DIP2C: variants seen among roughly 807,000 people sequenced by gnomAD.
DIP2C encodes DIP2 acetate--CoA ligase C (putative).
Under a neutral mutation model 192.4 loss-of-function variants are expected in DIP2C, and 33 were observed. The observed-to-expected ratio is 0.17, with a 90% CI of 0.13 to 0.23. The LOEUF (loss-of-function observed/expected upper bound fraction) is 0.23, where lower values mean the gene tolerates loss of function less well. DIP2C is among the 10% of genes least tolerant of loss of function. The probability of loss-of-function intolerance (pLI) is 1.00; values close to 1 mark genes in which losing one functional copy is unlikely to be tolerated. For synonymous variants in DIP2C, 979 were observed against 864.1 expected (o/e 1.13, Z -2.33); for missense variants, 1,537 against 2,110.1 (o/e 0.73, Z 5.32).
At chr10:607,892 G>A (rs925299687) in intron 1 of DIP2C, among the ~76,000 whole-genome samples, 4 of 151,926 alleles carry the variant, frequency 2.6e-5, no homozygotes, top group Middle Eastern at 3.2e-3. Flanking sequence ...TGTGTCATTC[G>A]CTAAGACGTA....
intron 1 of DIP2C, among the ~76,000 whole-genome samples, chr10:542,028 T>C (rs748638280): frequency 6.6e-6 from 1 of 152,208 alleles, no homozygotes; most frequent in Non-Finnish European, 1.5e-5. Context: ...CCTGCACACT[T>C]GGCTCTTCTA....
intron 1 of DIP2C, among the ~76,000 whole-genome samples, chr10:618,649 C>A (rs1853632508): frequency 6.6e-6 from 1 of 152,208 alleles, no homozygotes; most frequent in African/African-American, 2.4e-5. Context: ...TGCTTTTATG[C>A]AACAAAGTTA....
chr10:435,655 G>A (rs998396076), intron 4 of DIP2C, among the ~76,000 whole-genome samples: 1 of 152,212 alleles, frequency 6.6e-6, no homozygotes, highest in Non-Finnish European at 1.5e-5. Flanking sequence ...TTTAAGAAGA[G>A]CTGCTGAGTT....
chr10:510,393 T>C (rs1845931063), intron 1 of DIP2C, among the ~76,000 whole-genome samples: 1 of 152,212 alleles, frequency 6.6e-6, no homozygotes, highest in African/African-American at 2.4e-5. Context: ...TTTTCTTCTC[T>C]CCTGCACCTA....
intron 10 of DIP2C, among the ~76,000 whole-genome samples, chr10:395,336 GAT>G (rs760951647): frequency 2.2e-4 from 33 of 152,170 alleles, no homozygotes; most frequent in Non-Finnish European, 4.1e-4. Context: ...CAAGGTGACA[GAT>G]ATGTTAATCA....
chr10:569,736 C>T (rs779403424), intron 1 of DIP2C, among the ~76,000 whole-genome samples: 6 of 152,156 alleles, frequency 3.9e-5, no homozygotes, highest in East Asian at 1.9e-4. Context: ...ATGAAATAGA[C>T]GGCTGTGCAG....
At chr10:308,427 G>C (rs1278222350) in intron 32 of DIP2C, among the ~76,000 whole-genome samples, 1 of 150,268 alleles carries the variant, frequency 6.7e-6, no homozygotes, top group East Asian at 1.9e-4. Context: ...TTGAGGGCCA[G>C]GCCACAGACA....
At chr10:389,934 G>C in intron 13 of DIP2C, 57 bp downstream of exon 13, 1 of 1,386,880 alleles carries the variant, frequency 7.2e-7, no homozygotes, top group South Asian at 1.3e-5. Context: ...TGTGGCCTTC[G>C]TGTCAGGTGT....
At chr10:357,762 G>C (rs955450947) in intron 23 of DIP2C, 66 bp downstream of exon 23, 9 of 1,255,110 alleles carry the variant, frequency 7.2e-6, no homozygotes, top group Admixed American at 1.8e-5. Flanking sequence ...GGGGATGGTC[G>C]CAGATGGTCG....
intron 3 of DIP2C, among the ~76,000 whole-genome samples, chr10:463,841 A>G (rs926615798): frequency 1.3e-5 from 2 of 152,144 alleles, no homozygotes; most frequent in Non-Finnish European, 2.9e-5. Flanking sequence ...AGAACACCAC[A>G]CATCTACAAC....
At chr10:567,235 C>T (rs1849514773) in intron 1 of DIP2C, among the ~76,000 whole-genome samples, 1 of 152,076 alleles carries the variant, frequency 6.6e-6, no homozygotes, top group Non-Finnish European at 1.5e-5. Flanking sequence ...GTCGCCCAGA[C>T]CAGAGTGCAG....
chr10:310,546 G>A (rs530710843), intron 31 of DIP2C, among the ~76,000 whole-genome samples: 49 of 152,348 alleles, frequency 3.2e-4, no homozygotes, highest in African/African-American at 1.1e-3. Context: ...CAGGGAGGAA[G>A]AGGTGAGGGG....
chr10:419,345 G>T, intron 5 of DIP2C, 146 bp from the exon 6 acceptor site: 2 of 1,140,284 alleles, frequency 1.8e-6, no homozygotes, highest in Non-Finnish European at 2.5e-6. Flanking sequence ...AGCCGCATCT[G>T]CCACACACAT....
intron 4 of DIP2C, among the ~76,000 whole-genome samples, chr10:433,975 T>C (rs913066120): frequency 6.6e-6 from 1 of 152,178 alleles, no homozygotes; most frequent in Non-Finnish European, 1.5e-5. Context: ...AGTTACTTTT[T>C]TTTAAGTGGC....
intron 1 of DIP2C, among the ~76,000 whole-genome samples, chr10:563,096 A>G (rs1268877183): frequency 6.6e-6 from 1 of 152,216 alleles, no homozygotes; most frequent in Non-Finnish European, 1.5e-5. Flanking sequence ...ATATCACAGT[A>G]TCTGGAGGCC....
chr10:308,261 A>G (rs1209505463), intron 32 of DIP2C, among the ~76,000 whole-genome samples: 2 of 152,110 alleles, frequency 1.3e-5, no homozygotes, highest in Non-Finnish European at 2.9e-5. Context: ...TAGGCCAGCT[A>G]GCAGCGACGG....
chr10:513,815 T>C (rs927716701), intron 1 of DIP2C, among the ~76,000 whole-genome samples: 11 of 152,016 alleles, frequency 7.2e-5, no homozygotes, highest in African/African-American at 2.4e-4. Context: ...AAAAACCTAA[T>C]CGAACCTCTC....
intron 1 of DIP2C, among the ~76,000 whole-genome samples, chr10:619,575 G>A (rs1029777536): frequency 1.1e-3 from 104 of 97,948 alleles, no homozygotes; most frequent in Admixed American, 9.1e-4. Flanking sequence ...ACTCCCGTGC[G>A]AGCTAATATA....
At chr10:590,304 G>C (rs1851323771) in intron 1 of DIP2C, among the ~76,000 whole-genome samples, 2 of 152,222 alleles carry the variant, frequency 1.3e-5, no homozygotes, top group Admixed American at 1.3e-4. Context: ...GCACCTTCGA[G>C]TCAAGTGGGA....
Sources: allele counts gnomAD v4.1 joint callset (sites outside exome capture counted in the v4.1 genomes callset), GRCh38; gene constraint gnomAD v4.1.1; transcripts MANE v1.5; gene names NCBI Gene and HGNC (gene_info 2026-07-23, HGNC 2026-07-21).